TSPAN18: variants seen among roughly 807,000 people sequenced by gnomAD.
TSPAN18 encodes tetraspanin 18, also known as tetraspanin-18.
In TSPAN18, 14 loss-of-function variants were observed where a neutral mutation model predicts 27.3. The ratio of observed to expected loss-of-function variants is 0.51; its 90% CI spans 0.34 to 0.80. The LOEUF (loss-of-function observed/expected upper bound fraction) is 0.80. TSPAN18 is among the 30% of genes least tolerant of loss of function. The probability of loss-of-function intolerance (pLI) is 0.01; values close to 1 mark genes in which losing one functional copy is unlikely to be tolerated. For missense variants in TSPAN18, 268 were observed against 323.9 expected, an observed-to-expected ratio of 0.83 and a Z score of 1.32; for synonymous variants, 143 against 136.5, an observed-to-expected ratio of 1.05 and a Z score of -0.33.
At chr11:44,856,958 T>C (rs1171592289) in intron 2 of TSPAN18, among the ~76,000 whole-genome samples, 1 of 152,166 alleles carries the variant, frequency 6.6e-6, no homozygotes, top group Non-Finnish European at 1.5e-5. Context: ...TGGGTGCCAT[T>C]TACTTGGTTT....
chr11:44,912,923 T>C (rs1022144914), intron 5 of TSPAN18, among the ~76,000 whole-genome samples: 1 of 150,274 alleles, frequency 6.7e-6, no homozygotes, highest in Admixed American at 6.6e-5. Context: ...ATGTGTGTTG[T>C]GTGCATGGGG....
intron 3 of TSPAN18, among the ~76,000 whole-genome samples, chr11:44,865,868 T>A (rs1858022532): frequency 6.6e-6 from 1 of 152,176 alleles, no homozygotes; most frequent in Non-Finnish European, 1.5e-5. Context: ...CCAGCACTGT[T>A]TGCTCTGAGT....
At chr11:44,761,704 C>T (rs1042158147) in intron 1 of TSPAN18, among the ~76,000 whole-genome samples, 11 of 152,236 alleles carry the variant, frequency 7.2e-5, no homozygotes, top group African/African-American at 2.7e-4. Context: ...GCTTTTAATT[C>T]CGTTAATGTG....
intron 2 of TSPAN18, among the ~76,000 whole-genome samples, chr11:44,819,809 C>CTCTATA (rs1173897400): frequency 6.6e-6 from 1 of 151,486 alleles, no homozygotes; most frequent in Non-Finnish European, 1.5e-5. Context: ...CAGCAAAAAT[C>CTCTATA]TCTATATCAC....
rs534196687 is a variant in TSPAN18 at position 44,795,428 on chromosome 11, C to T, written c.-153+30916C>T. On this transcript the variant is annotated intron_variant, in intron 2 of 9. Coordinates refer to ENST00000520358, the MANE Select transcript of TSPAN18 (RefSeq NM_130783.5). ...GGTAAGCCAGATGATTTCTCTAAAG[C>T]TCAGCTTCCTCATCTGCAAAGTGGT... Among the ~76,000 whole-genome samples, 23 of 152,280 alleles carry T rather than the reference C, an allele frequency of 1.5e-4. 1 individual carries two copies. In the South Asian group the frequency reaches 4.1e-3, roughly 27 times the overall value.
intron 2 of TSPAN18, among the ~76,000 whole-genome samples, chr11:44,852,727 T>C (rs773728079): frequency 6.6e-6 from 1 of 152,138 alleles, no homozygotes; most frequent in Non-Finnish European, 1.5e-5. Context: ...CCTTATATAG[T>C]CTCTTTGCTC....
chr11:44,925,018 T>TCCTGGCCTGG (rs1215327005), intron 8 of TSPAN18, among the ~76,000 whole-genome samples: 1 of 152,182 alleles, frequency 6.6e-6, no homozygotes, highest in Non-Finnish European at 1.5e-5. Flanking sequence ...CACACTGATG[T>TCCTGGCCTGG]CCTGGCCTGG....
chr11:44,921,816 G>T (rs1267165175), intron 8 of TSPAN18, among the ~76,000 whole-genome samples: 2 of 152,162 alleles, frequency 1.3e-5, no homozygotes, highest in Non-Finnish European at 2.9e-5. Context: ...GCTTCCCATG[G>T]GCCGCATTCC....
chr11:44,776,695 C>T (rs1855816995), intron 2 of TSPAN18, among the ~76,000 whole-genome samples: 1 of 152,044 alleles, frequency 6.6e-6, no homozygotes, highest in South Asian at 2.1e-4. Context: ...CGTGTGACTA[C>T]AGTCTGGGCC....
At chr11:44,739,200 G>A (rs984178797) in intron 1 of TSPAN18, among the ~76,000 whole-genome samples, 1 of 152,212 alleles carries the variant, frequency 6.6e-6, no homozygotes, top group Non-Finnish European at 1.5e-5. Context: ...TGTGAGGGAG[G>A]TGGAGGCTGC....
At chr11:44,831,761 T>A (rs1857159124) in intron 2 of TSPAN18, among the ~76,000 whole-genome samples, 1 of 152,034 alleles carries the variant, frequency 6.6e-6, no homozygotes, top group Admixed American at 6.6e-5. Flanking sequence ...AGTCAAGAGA[T>A]GAATACATAA....
At chr11:44,791,750 G>A (rs180900313) in intron 2 of TSPAN18, among the ~76,000 whole-genome samples, 131 of 152,314 alleles carry the variant, frequency 8.6e-4, no homozygotes, top group Non-Finnish European at 9.7e-4. Context: ...GAGGGCTCAC[G>A]GAGGGCTCGT....
intron 2 of TSPAN18, among the ~76,000 whole-genome samples, chr11:44,845,455 G>A (rs985531983): frequency 6.6e-6 from 1 of 152,218 alleles, no homozygotes; most frequent in African/African-American, 2.4e-5. Flanking sequence ...TGAGGGCCCT[G>A]CAGGGAATAC....
At chr11:44,889,267 C>T (rs563549910) in intron 3 of TSPAN18, among the ~76,000 whole-genome samples, 2 of 152,346 alleles carry the variant, frequency 1.3e-5, no homozygotes, top group South Asian at 4.1e-4. Flanking sequence ...TCCTCCTGGT[C>T]CCCATGTAAA....
At chr11:44,920,915 C>G (rs570464274) in intron 8 of TSPAN18, among the ~76,000 whole-genome samples, 1 of 152,184 alleles carries the variant, frequency 6.6e-6, no homozygotes, top group Non-Finnish European at 1.5e-5. Context: ...ATGATTGCTG[C>G]GAAGAAATAA....
At chr11:44,923,669 T>C (rs1222711781) in intron 8 of TSPAN18, among the ~76,000 whole-genome samples, 1 of 152,194 alleles carries the variant, frequency 6.6e-6, no homozygotes, top group Admixed American at 6.5e-5. Flanking sequence ...AGTTAGCCAC[T>C]GCTCCTCCCT....
At chr11:44,738,355 C>CT (rs1479746224) in intron 1 of TSPAN18, among the ~76,000 whole-genome samples, 1 of 152,208 alleles carries the variant, frequency 6.6e-6, no homozygotes, top group Non-Finnish European at 1.5e-5. Context: ...TGGAGCCCAC[C>CT]TGGCTGGAGC....
At chr11:44,924,380 GA>G (rs1301980268) in intron 8 of TSPAN18, among the ~76,000 whole-genome samples, 1 of 152,158 alleles carries the variant, frequency 6.6e-6, no homozygotes, top group Non-Finnish European at 1.5e-5. Flanking sequence ...GGCATAGGGA[GA>G]GGAAGTAAAT....
chr11:44,812,540 G>A (rs1398713565), intron 2 of TSPAN18, among the ~76,000 whole-genome samples: 1 of 152,152 alleles, frequency 6.6e-6, no homozygotes, highest in Non-Finnish European at 1.5e-5. Context: ...ACGTGCTGCT[G>A]GAACCCAGGG....
Sources: allele counts gnomAD v4.1 joint callset (sites outside exome capture counted in the v4.1 genomes callset), GRCh38; gene constraint gnomAD v4.1.1; transcripts MANE v1.5; gene names NCBI Gene and HGNC (gene_info 2026-07-23, HGNC 2026-07-21).